DHRS4: variants seen among roughly 807,000 people sequenced by gnomAD.
DHRS4 encodes dehydrogenase/reductase SDR family member 4.
A neutral mutation model predicts 28.4 loss-of-function variants in DHRS4; 20 were observed. The observed-to-expected ratio is 0.71, with a 90% CI of 0.50 to 1.02. The LOEUF (loss-of-function observed/expected upper bound fraction) is 1.02. Ranked by LOEUF, DHRS4 falls within the 50% of genes least tolerant of loss-of-function variation. The pLI is 0.00. For missense variants in DHRS4, 378 were observed against 367.2 expected (o/e 1.03, Z -0.24); for synonymous variants, 144 against 146.4 (o/e 0.98, Z 0.12).
At chr14:23,961,199 A>G (rs1452982474) in intron 3 of DHRS4, among the ~76,000 whole-genome samples, 2 of 150,690 alleles carry the variant, frequency 1.3e-5, no homozygotes, top group Non-Finnish European at 2.9e-5. Flanking sequence ...ACACTAAAGT[A>G]TCAGGTTGCC....
At chr14:23,968,630 T>G in intron 7 of DHRS4, 127 bp from the exon 8 acceptor site, 2 of 1,511,098 alleles carry the variant, frequency 1.3e-6, no homozygotes, top group Non-Finnish European at 1.8e-6. Context: ...GGCAGAAAGC[T>G]TGTACACTGA....
At chr14:23,968,567 G>C (rs1470972352) in intron 7 of DHRS4, among the ~76,000 whole-genome samples, 190 bp from the exon 8 acceptor site, 1 of 151,424 alleles carries the variant, frequency 6.6e-6, no homozygotes, top group Admixed American at 6.6e-5. Flanking sequence ...GCAGAGTACA[G>C]TATGCTTATA....
chr14:23,966,815 G>A (rs993640845), intron 6 of DHRS4, among the ~76,000 whole-genome samples: 1 of 152,286 alleles, frequency 6.6e-6, no homozygotes, highest in Non-Finnish European at 1.5e-5. Context: ...GTTACCATGA[G>A]GATGGGCAGT....
intron 4 of DHRS4, 33 bp downstream of exon 4, chr14:23,965,865 G>A: frequency 1.9e-6 from 3 of 1,606,680 alleles, no homozygotes; most frequent in South Asian, 2.2e-5. Flanking sequence ...TGGGTGAGAG[G>A]GGACACCACA....
In DHRS4 at chr14:23,959,909, A is replaced by G; in HGVS notation, c.314A>G (p.Lys105Arg). ...ACTTACCCCTCTCTCTAGGCTGTGA[A>G]GCTTCATGGAGGTATCGATATCCTA... Reference protein sequence around the residue: ...DRERLVATAVKLHGGIDILVS... With the variant: ...DRERLVATAVRLHGGIDILVS... The change falls in exon 3 of 8, where the codon AAG becomes AGG. Residue 105 changes from lysine to arginine, a missense_variant. Lys to Arg is a conservative substitution (Grantham distance 26). Transcript: ENST00000313250. 6.2e-7 allele frequency: 1 copy of G among 1,613,208 alleles called. No homozygotes were observed. The highest frequency in any genetic ancestry group is 8.5e-7 in the Non-Finnish European group (1 of 1,179,886).
intron 2 of DHRS4, 128 bp downstream of exon 2, chr14:23,955,340 C>T (rs564127177): frequency 2.2e-6 from 3 of 1,392,494 alleles, no homozygotes; most frequent in African/African-American, 1.5e-5. Context: ...CATATACTAA[C>T]GTCAGAGAAT....
At chr14:23,958,860 G>T (rs541923503) in intron 2 of DHRS4, among the ~76,000 whole-genome samples, 1 of 152,206 alleles carries the variant, frequency 6.6e-6, no homozygotes, top group Admixed American at 6.5e-5. Context: ...AGAATAAGCA[G>T]GCCTCCTGTT....
rs2033737930 is a variant in DHRS4 at position 23,968,742 on chromosome 14, T to TC, written c.723-12dup. ...TTTGATTTTTACCTCCTTCCTTGCT[T>TC]CCCTTATTCCCCAGGTTAGGCGAGC... is the stretch of plus-strand genomic sequence containing the variant. On this transcript the variant is annotated splice_polypyrimidine_tract_variant and intron_variant, in intron 7 of 7. Coordinates refer to ENST00000313250, the MANE Select transcript of DHRS4 (RefSeq NM_021004.4). 1 of 1,604,964 alleles carries TC rather than the reference T, an allele frequency of 6.2e-7. No individual in the cohort carries two copies. Among genetic ancestry groups the TC allele is most frequent in the Admixed American group, 1.7e-5 (1 of 59,028 alleles).
At chr14:23,954,276 G>C (rs1000147013) in intron 1 of DHRS4, 20 of 213,198 alleles carry the variant, frequency 9.4e-5, no homozygotes, top group Non-Finnish European at 1.8e-4. Flanking sequence ...CTATCCCACG[G>C]CCTCCAGCAC....
At chr14:23,957,360 G>C (rs536609949) in intron 2 of DHRS4, among the ~76,000 whole-genome samples, 19 of 148,198 alleles carry the variant, frequency 1.3e-4, no homozygotes, top group African/African-American at 5.0e-4. Flanking sequence ...CCTGAGAATG[G>C]ATACTACCCA....
chr14:23,953,887 G>T lies in DHRS4; in HGVS notation c.99G>T (p.Lys33Asn), dbSNP rs1267305669. ...CCCGCCGGGACCCGCTCGCAAATAAGGTGGCCCTGGTAACGGCCTCCACCG... is the reference window on the plus strand; with the variant it reads ...CCCGCCGGGACCCGCTCGCAAATAATGTGGCCCTGGTAACGGCCTCCACCG... Reference protein sequence around the residue: ...GMTRRDPLANKVALVTASTDG... With the variant: ...GMTRRDPLANNVALVTASTDG... The change falls in exon 1 of 8, where the codon AAG becomes AAT. Residue 33 changes from lysine to asparagine, a missense_variant. Physicochemically the swap from Lys to Asn is moderately conservative, Grantham distance 94. Coordinates refer to ENST00000313250, the MANE Select transcript of DHRS4 (RefSeq NM_021004.4). 1.2e-6 allele frequency: 2 copies of T among 1,607,582 alleles called. No individual in the cohort carries two copies. The highest frequency in any genetic ancestry group is 1.7e-5 in the Admixed American group (1 of 59,006).
Position 23,953,902 on chromosome 14 carries a change from G to T in DHRS4, c.114G>T (p.Thr38=). 2 of 1,596,882 alleles carry T rather than the reference G, an allele frequency of 1.3e-6. No individual in the cohort carries two copies. The highest frequency in any genetic ancestry group is 2.2e-5 in the South Asian group (2 of 89,278). Residue 38 remains threonine (T), a synonymous_variant, in exon 1 of 8, where the codon ACG becomes ACT. Transcript: ENST00000313250. ...DPLANKVALV[T]ASTDGIGFAI... is the part of the protein sequence containing the mutation. ...TCGCAAATAAGGTGGCCCTGGTAAC[G>T]GCCTCCACCGACGGGTGAGTGCTCC...
chr14:23,955,756 C>T (rs1473948780), intron 2 of DHRS4, among the ~76,000 whole-genome samples: 2 of 152,200 alleles, frequency 1.3e-5, no homozygotes. Flanking sequence ...TAAGGAAAGA[C>T]CCAGACCTCC....
intron 1 of DHRS4, chr14:23,954,190 C>T (rs1321886363): frequency 5.4e-6 from 2 of 371,738 alleles, no homozygotes; most frequent in Non-Finnish European, 9.6e-6. Context: ...TTCTGGGCTG[C>T]CCCAGTCAAC....
intron 2 of DHRS4, among the ~76,000 whole-genome samples, chr14:23,955,466 G>A (rs1454559044): frequency 3.3e-5 from 5 of 152,136 alleles, no homozygotes; most frequent in Non-Finnish European, 7.4e-5. Flanking sequence ...CAATCTAATT[G>A]AACAGATGTG....
intron 3 of DHRS4, among the ~76,000 whole-genome samples, chr14:23,960,835 C>T (rs1342049247): frequency 6.6e-6 from 1 of 152,076 alleles, no homozygotes; most frequent in East Asian, 1.9e-4. Flanking sequence ...TTTGTTTTGG[C>T]TTACGATACT....
At chr14:23,956,705 G>A (rs1210224505) in intron 2 of DHRS4, among the ~76,000 whole-genome samples, 1 of 148,984 alleles carries the variant, frequency 6.7e-6, no homozygotes. Context: ...CCAGGTTCAA[G>A]CAATTCTCAT....
At chr14:23,957,074 C>G (rs1191709859) in intron 2 of DHRS4, among the ~76,000 whole-genome samples, 2 of 152,092 alleles carry the variant, frequency 1.3e-5, no homozygotes, top group African/African-American at 2.4e-5. Context: ...AGAGGAGACA[C>G]CGAATCCAGG....
At chr14:23,968,589 C>T (rs1431930936) in intron 7 of DHRS4, among the ~76,000 whole-genome samples, 168 bp from the exon 8 acceptor site, 2 of 151,614 alleles carry the variant, frequency 1.3e-5, no homozygotes, top group Middle Eastern at 3.4e-3. Context: ...TAAATTATAA[C>T]AGCATATCCT....
Sources: allele counts gnomAD v4.1 joint callset (sites outside exome capture counted in the v4.1 genomes callset), GRCh38; gene constraint gnomAD v4.1.1; transcripts MANE v1.5; gene names NCBI Gene and HGNC (gene_info 2026-07-23, HGNC 2026-07-21).